PTPRK: variants seen among roughly 807,000 people sequenced by gnomAD.
PTPRK encodes the protein receptor-type tyrosine-protein phosphatase kappa.
Under a neutral mutation model 178.0 loss-of-function variants are expected in PTPRK, and 75 were observed. The observed-to-expected ratio is 0.42, with a 90% CI of 0.35 to 0.51. The LOEUF (loss-of-function observed/expected upper bound fraction) is 0.51, where lower values mean the gene tolerates loss of function less well. Among genes scored for constraint, PTPRK ranks in the 20% least tolerant of loss-of-function variants. The pLI, the probability that PTPRK is intolerant of heterozygous loss-of-function variation, is 0.02. For missense variants in PTPRK, 1,441 were observed against 1,797.8 expected, an observed-to-expected ratio of 0.80 and a Z score of 3.59; for synonymous variants, 637 against 620.6, an observed-to-expected ratio of 1.03 and a Z score of -0.39.
chr6:128,319,160 A>G (rs1030671343), intron 3 of PTPRK, among the ~76,000 whole-genome samples: 2 of 152,202 alleles, frequency 1.3e-5, no homozygotes, highest in African/African-American at 4.8e-5. Flanking sequence ...GGAATAGAGG[A>G]ATCGACAAAA....
intron 7 of PTPRK, among the ~76,000 whole-genome samples, chr6:128,183,970 A>C (rs2114695361): frequency 6.6e-6 from 1 of 152,300 alleles, no homozygotes; most frequent in Middle Eastern, 3.4e-3. Context: ...GAAAATAGTT[A>C]TCTCAACGAG....
intron 2 of PTPRK, among the ~76,000 whole-genome samples, chr6:128,325,702 T>C (rs1829459502): frequency 6.6e-6 from 1 of 152,018 alleles, no homozygotes; most frequent in South Asian, 2.1e-4. Flanking sequence ...AGAAATAGGA[T>C]GTTTTTACAC....
intron 25 of PTPRK, among the ~76,000 whole-genome samples, chr6:127,980,251 AG>A (rs1775145634): frequency 6.6e-6 from 1 of 152,166 alleles, no homozygotes; most frequent in East Asian, 1.9e-4. Context: ...CAGAGGTTGC[AG>A]TGAGCCGAGA....
At chr6:128,426,260 CT>C (rs1183835057) in intron 1 of PTPRK, among the ~76,000 whole-genome samples, 2 of 152,144 alleles carry the variant, frequency 1.3e-5, no homozygotes, top group African/African-American at 4.8e-5. Flanking sequence ...ATCAACTTCA[CT>C]TTTTTTCTAG....
intron 1 of PTPRK, among the ~76,000 whole-genome samples, chr6:128,505,512 G>A (rs1056058958): frequency 3.9e-5 from 6 of 152,082 alleles, no homozygotes; most frequent in East Asian, 3.9e-4. Context: ...TGCTGCCACC[G>A]CAATCACAAA....
At chr6:128,322,410 GT>G in intron 2 of PTPRK, 100 bp from the exon 3 acceptor site, 1 of 1,219,050 alleles carries the variant, frequency 8.2e-7, no homozygotes, top group South Asian at 1.3e-5. Context: ...TTAAATTTAA[GT>G]TAAAAAGACT....
intron 1 of PTPRK, among the ~76,000 whole-genome samples, chr6:128,449,890 G>A: frequency 6.7e-6 from 1 of 149,396 alleles, no homozygotes; most frequent in Admixed American, 6.7e-5. Context: ...GAGGCCAGGA[G>A]TTTGAGACCA....
chr6:128,249,087 A>G (rs1466846239), intron 3 of PTPRK, among the ~76,000 whole-genome samples: 5 of 152,140 alleles, frequency 3.3e-5, no homozygotes, highest in Non-Finnish European at 7.4e-5. Context: ...CCATTATATG[A>G]CTACAATTTT....
At chr6:128,472,568 C>T (rs539036211) in intron 1 of PTPRK, 1 of 166,300 alleles carries the variant, frequency 6.0e-6, no homozygotes, top group African/African-American at 2.4e-5. Flanking sequence ...TCAACATCTT[C>T]TACTATGTAT....
Position 128,219,051 on chromosome 6 carries a change from T to C in PTPRK, c.739A>G (p.Asn247Asp). The change falls in exon 6 of 30, where the codon AAT (asparagine) becomes GAT (aspartate). Residue 247 changes from asparagine (N) to aspartate (D), a missense_variant. Physicochemically the swap from Asn to Asp is conservative, Grantham distance 23. Transcript: ENST00000368226. ...DIPVAQTKNI[N>D]HRRFAASFRL... is the part of the protein sequence containing the mutation. ...AAGGAAGCGGCAAACCTTCTATGAT[T>C]GATGTTCTTAGTCTGGGCTACTGGT... 1 of 1,613,994 alleles carries C rather than the reference T, an allele frequency of 6.2e-7. No individual in the cohort carries two copies. The highest frequency in any genetic ancestry group is 8.5e-7 in the Non-Finnish European group (1 of 1,179,872).
At chr6:128,265,513 T>C (rs941265338) in intron 3 of PTPRK, among the ~76,000 whole-genome samples, 1 of 152,084 alleles carries the variant, frequency 6.6e-6, no homozygotes, top group Non-Finnish European at 1.5e-5. Flanking sequence ...GATGAAGACA[T>C]AGAAGCAAAG....
At chr6:128,073,821 C>T (rs1783270315) in intron 11 of PTPRK, among the ~76,000 whole-genome samples, 1 of 151,976 alleles carries the variant, frequency 6.6e-6, no homozygotes, top group Non-Finnish European at 1.5e-5. Context: ...GACCATATGA[C>T]CTTTATGCCC....
intron 13 of PTPRK, among the ~76,000 whole-genome samples, chr6:128,052,935 T>A (rs1022098754): frequency 1.4e-4 from 21 of 152,180 alleles, no homozygotes; most frequent in African/African-American, 4.3e-4. Context: ...TGCTATGCCC[T>A]CATTATTTTT....
At chr6:128,320,041 T>G (rs1280902458) in intron 3 of PTPRK, among the ~76,000 whole-genome samples, 7 of 152,184 alleles carry the variant, frequency 4.6e-5, no homozygotes, top group African/African-American at 1.7e-4. Flanking sequence ...AATGAGACAT[T>G]TACCCATAGG....
At chr6:128,492,485 C>A (rs1478465169) in intron 1 of PTPRK, among the ~76,000 whole-genome samples, 1 of 152,138 alleles carries the variant, frequency 6.6e-6, no homozygotes, top group Non-Finnish European at 1.5e-5. Context: ...TGGTTGAGAT[C>A]AAGTATTTCT....
At chr6:128,114,846 T>C (rs1791229507) in intron 7 of PTPRK, among the ~76,000 whole-genome samples, 1 of 151,804 alleles carries the variant, frequency 6.6e-6, no homozygotes, top group African/African-American at 2.4e-5. Flanking sequence ...GCCACTGAAA[T>C]AAAGGCATGC....
Position 128,089,120 on chromosome 6 carries a change from A to C in PTPRK, c.1465+570T>G, listed in dbSNP as rs1786472094. On this transcript the variant is annotated intron_variant, in intron 8 of 29. Coordinates refer to ENST00000368226, the MANE Select transcript of PTPRK (RefSeq NM_002844.4). ...GAGATTGGCAGGCACCCGCCACCAC[A>C]CCCAGTTAATTTTTGGAATTTTTAA... is the stretch of plus-strand genomic sequence containing the variant. Among the ~76,000 whole-genome samples, 6 of 152,076 alleles carry C rather than the reference A, an allele frequency of 3.9e-5. No homozygotes were observed. In the South Asian group the frequency reaches 1.0e-3, roughly 26 times the overall value.
chr6:128,298,010 T>C (rs1824805922), intron 3 of PTPRK, among the ~76,000 whole-genome samples: 1 of 151,472 alleles, frequency 6.6e-6, no homozygotes, highest in Non-Finnish European at 1.5e-5. Context: ...GAGAGAAGAA[T>C]CATATAGATG....
chr6:128,469,018 A>C (rs567869961), intron 1 of PTPRK, among the ~76,000 whole-genome samples: 206 of 152,174 alleles, frequency 1.4e-3, no homozygotes, highest in Admixed American at 2.1e-3. Context: ...AAATCTCACA[A>C]TTTTTTGAAA....
Sources: allele counts gnomAD v4.1 joint callset (sites outside exome capture counted in the v4.1 genomes callset), GRCh38; gene constraint gnomAD v4.1.1; transcripts MANE v1.5; gene names NCBI Gene and HGNC (gene_info 2026-07-23, HGNC 2026-07-21).